Variants in HSPA4L observed in about 807,000 individuals in gnomAD.
The protein encoded by HSPA4L is heat shock 70 kDa protein 4L.
Under a neutral mutation model 100.3 loss-of-function variants are expected in HSPA4L, and 48 were observed. The observed-to-expected ratio is 0.48, with a 90% CI of 0.38 to 0.61. The LOEUF (loss-of-function observed/expected upper bound fraction) is 0.61, where lower values mean the gene tolerates loss of function less well. Ranked by LOEUF, HSPA4L falls within the 20% of genes least tolerant of loss-of-function variation. The probability of loss-of-function intolerance (pLI) is 0.00; values close to 1 mark genes in which losing one functional copy is unlikely to be tolerated. For missense variants in HSPA4L, 886 were observed against 988.6 expected (o/e 0.90, Z 1.39); for synonymous variants, 319 against 328.2 (o/e 0.97, Z 0.30).
rs1442877004 is a variant in HSPA4L at position 127,795,511 on chromosome 4, G to A, written c.166-257G>A. 5.3e-5 allele frequency among the ~76,000 whole-genome samples: 8 copies of A among 152,208 alleles called. 1 individual carries two copies. In the South Asian group the frequency reaches 1.2e-3, roughly 24 times the overall value. ...TTTGAAACGTTTTAAAGGTTTATTCGTTCTCTTCTGAAGACATTAATTTTG... is the reference window on the plus strand; with the variant it reads ...TTTGAAACGTTTTAAAGGTTTATTCATTCTCTTCTGAAGACATTAATTTTG... On this transcript the variant is annotated intron_variant, in intron 2 of 18. Coordinates refer to ENST00000296464, the MANE Select transcript of HSPA4L (RefSeq NM_014278.4).
At chr4:127,821,918 A>G (rs1281094893) in intron 14 of HSPA4L, among the ~76,000 whole-genome samples, 4 of 152,190 alleles carry the variant, frequency 2.6e-5, no homozygotes, top group Non-Finnish European at 5.9e-5. Flanking sequence ...AGTATGTAGA[A>G]TGACATAGGC....
At chr4:127,831,891 GAAGT>G (rs1008134421) in intron 18 of HSPA4L, among the ~76,000 whole-genome samples, 2 of 151,534 alleles carry the variant, frequency 1.3e-5, no homozygotes, top group Admixed American at 6.6e-5. Flanking sequence ...TTTTTATAAT[GAAGT>G]AAGTAATAAC....
At chr4:127,831,933 C>T (rs996174883) in intron 18 of HSPA4L, among the ~76,000 whole-genome samples, 1 of 151,306 alleles carries the variant, frequency 6.6e-6, no homozygotes, top group East Asian at 2.0e-4. Flanking sequence ...AAAGTTTTGC[C>T]AATAAGCTAT....
At chr4:127,805,467 A>C (rs553620124) in intron 9 of HSPA4L, among the ~76,000 whole-genome samples, 2 of 152,270 alleles carry the variant, frequency 1.3e-5, no homozygotes, top group African/African-American at 2.4e-5. Flanking sequence ...CTGCCCATTT[A>C]AAATCCCTTT....
In HSPA4L at chr4:127,805,739, T is replaced by C. The variant is rs755232976; in HGVS notation, c.1190T>C (p.Leu397Pro). 2.5e-6 allele frequency: 4 copies of C among 1,612,750 alleles called. No homozygotes were observed. The Admixed American group carries it at 5.0e-5, about 20-fold the overall frequency. Residue 397 changes from leucine (L) to proline (P), a missense_variant, in exon 10 of 19, where the codon CTT becomes CCT. By Grantham distance (98) the Leu-to-Pro change is moderately conservative (BLOSUM62 -3). Transcript: ENST00000296464. ...FKVREFSITD[L>P]VPYSITLRWK... is the part of the protein sequence containing the mutation. Reference sequence around the variant, plus strand: ...GTGCGTGAATTTTCCATAACAGACCTTGTTCCCTATTCAATCACATTAAGG... The same window carrying C: ...GTGCGTGAATTTTCCATAACAGACCCTGTTCCCTATTCAATCACATTAAGG...
Position 127,838,666 on chromosome 4 carries a change from G to T in HSPA4L, c.*5792G>T, listed in dbSNP as rs964820522. 6.6e-6 allele frequency: 1 copy of T among 152,066 alleles called. No individual in the cohort carries two copies. 9.4% of individuals were successfully genotyped at this position (152,066 alleles called of 1,614,324 possible). A position where few individuals can be genotyped will look rare whatever the true frequency, so the allele number is the denominator to read the frequency against. ...TTTTAAATAATTTAATTGCATTATAGCATATAAACTATAAATGAAAATGAT... is the reference window on the plus strand; with the variant it reads ...TTTTAAATAATTTAATTGCATTATATCATATAAACTATAAATGAAAATGAT... On this transcript the variant is annotated 3_prime_UTR_variant, in exon 19 of 19. Transcript: ENST00000296464.
rs779352330 is a variant in HSPA4L at position 127,808,003 on chromosome 4, G to A, written c.1252G>A (p.Glu418Lys). 4.4e-6 allele frequency: 7 copies of A among 1,608,194 alleles called. No individual in the cohort carries two copies. The Admixed American group carries it at 6.8e-5, about 16-fold the overall frequency. ...TCTTTCCCTCCATTTTAGGGAATGT[G>A]AAGTTTTCTGTAAGAACCATCCTGC... ...TSFEDGSGEC[E>K]VFCKNHPAPF... Residue 418 changes from glutamate to lysine, a missense_variant, in exon 11 of 19, where the codon GAA becomes AAA. Glu to Lys is a moderately conservative substitution (Grantham distance 56). Coordinates refer to ENST00000296464, the MANE Select transcript of HSPA4L (RefSeq NM_014278.4).
chr4:127,795,490 A>G (rs556399976), intron 2 of HSPA4L, among the ~76,000 whole-genome samples: 1 of 152,272 alleles, frequency 6.6e-6, no homozygotes, highest in South Asian at 2.1e-4. Flanking sequence ...TTGTAATTTG[A>G]AACGTTTTAA....
intron 12 of HSPA4L, among the ~76,000 whole-genome samples, chr4:127,815,270 A>C (rs1377934780): frequency 6.6e-6 from 1 of 152,214 alleles, no homozygotes; most frequent in African/African-American, 2.4e-5. Flanking sequence ...GATATGTGAG[A>C]AAATTGACAC....
intron 1 of HSPA4L, among the ~76,000 whole-genome samples, chr4:127,783,205 G>A (rs1397312359): frequency 2.0e-5 from 3 of 151,288 alleles, no homozygotes; most frequent in African/African-American, 7.3e-5. Flanking sequence ...TAAGGGCGGG[G>A]AGTGAGGCAT....
At chr4:127,794,867 C>G (rs961188699) in intron 2 of HSPA4L, among the ~76,000 whole-genome samples, 1 of 152,026 alleles carries the variant, frequency 6.6e-6, no homozygotes, top group African/African-American at 2.4e-5. Flanking sequence ...AATTGAAGAT[C>G]AAGGTCTGTT....
In HSPA4L at chr4:127,798,708, C is replaced by CAGTA. The variant is rs1158341104; in HGVS notation, c.429+3_429+6dup. ...AAACCAGTGGCTGACTGTGTGATTT[C>CAGTA]AGTAAGTTTTACTTCAGTAATGAAT... On this transcript the variant is annotated frameshift_variant and splice_region_variant, in exon 4 of 19. Transcript: ENST00000296464. LOFTEE classifies it high-confidence loss of function. 6.2e-7 allele frequency: 1 copy of CAGTA among 1,613,178 alleles called. No individual in the cohort carries two copies.
At chr4:127,785,171 C>A (rs1311974688) in intron 1 of HSPA4L, among the ~76,000 whole-genome samples, 1 of 152,208 alleles carries the variant, frequency 6.6e-6, no homozygotes, top group Non-Finnish European at 1.5e-5. Context: ...GATTCACCTT[C>A]TGTAAAGTTA....
chr4:127,825,284 G>C (rs1260218620), intron 16 of HSPA4L, among the ~76,000 whole-genome samples: 2 of 152,120 alleles, frequency 1.3e-5, no homozygotes, highest in Non-Finnish European at 2.9e-5. Context: ...GTAGATACAA[G>C]GTGGGCCCAC....
chr4:127,812,510 G>T (rs1733562526), intron 12 of HSPA4L, among the ~76,000 whole-genome samples: 1 of 151,882 alleles, frequency 6.6e-6, no homozygotes, highest in Non-Finnish European at 1.5e-5. Context: ...AATCTTAGGA[G>T]AACTTTATCG....
chr4:127,824,876 C>T (rs2148798341), intron 16 of HSPA4L, among the ~76,000 whole-genome samples: 1 of 152,326 alleles, frequency 6.6e-6, no homozygotes, highest in South Asian at 2.1e-4. Flanking sequence ...GTGGCTCACG[C>T]CTCTAATCCC....
At chr4:127,804,750 T>A (rs1271001948) in intron 8 of HSPA4L, among the ~76,000 whole-genome samples, 1 of 152,072 alleles carries the variant, frequency 6.6e-6, no homozygotes, top group Non-Finnish European at 1.5e-5. Flanking sequence ...AGGATTTTGG[T>A]AATCAATTAA....
chr4:127,820,074 A>G (rs915530364), intron 13 of HSPA4L, among the ~76,000 whole-genome samples: 2 of 152,104 alleles, frequency 1.3e-5, no homozygotes, highest in Admixed American at 6.5e-5. Context: ...GAACTTCCCA[A>G]CTGTTTTCCA....
intron 18 of HSPA4L, among the ~76,000 whole-genome samples, chr4:127,831,289 C>T (rs1734074027): frequency 6.6e-6 from 1 of 151,812 alleles, no homozygotes; most frequent in African/African-American, 2.4e-5. Flanking sequence ...CTGCTTGAAC[C>T]CAGGAGTTCG....
Sources: gnomAD v4.1 joint callset for allele counts (sites outside exome capture counted in the v4.1 genomes callset) on GRCh38, gnomAD v4.1.1 for gene constraint, MANE v1.5 for transcripts, NCBI Gene and HGNC (gene_info 2026-07-23, HGNC 2026-07-21) for gene names.